PIK3CD: variants seen among roughly 807,000 people sequenced by gnomAD.
PIK3CD encodes the protein phosphatidylinositol 4,5-bisphosphate 3-kinase catalytic subunit delta isoform.
In PIK3CD, 20 loss-of-function variants were observed where a neutral mutation model predicts 122.9. The ratio of observed to expected loss-of-function variants is 0.16; its 90% CI spans 0.11 to 0.24. PIK3CD has a LOEUF of 0.24. PIK3CD is among the 10% of genes least tolerant of loss of function. The pLI, the probability that PIK3CD is intolerant of heterozygous loss-of-function variation, is 1.00. For synonymous variants in PIK3CD, 596 were observed against 593.4 expected (o/e 1.00, Z -0.06); for missense variants, 787 against 1,406.3 (o/e 0.56, Z 7.04).
rs1646768328 is a variant in PIK3CD, at chr1:9,704,820, C to G, written c.-32-5604C>G. Among the ~76,000 whole-genome samples, 1 of 152,208 alleles carries G rather than the reference C, an allele frequency of 6.6e-6. No homozygotes were observed. Among genetic ancestry groups the G allele is most frequent in the African/African-American group, 2.4e-5 (1 of 41,450 alleles). The stretch of plus-strand genomic sequence containing the variant: ...TGAGCCACCACGCCCAGCCGGTCCC[C>G]CAAGTTTTGAAACAAAAGGAAGACT... On this transcript the variant is annotated intron_variant, in intron 2 of 23. Transcript: ENST00000377346. The surrounding 1 kb of genome is among the most constrained non-coding windows in gnomAD (Gnocchi z 5.0).
At chr1:9,638,864 T>C in the PIK3CD span, among the ~76,000 whole-genome samples, 288 of 144,684 alleles carry the variant, frequency 2.0e-3, 2 homozygotes, top group African/African-American at 7.0e-3. Flanking sequence ...CACCCTCTGC[T>C]TTCTGGGCTC....
upstream of PIK3CD, among the ~76,000 whole-genome samples, chr1:9,648,695 T>C (rs1644629706): frequency 6.6e-6 from 1 of 152,240 alleles, no homozygotes; most frequent in Admixed American, 6.5e-5. Flanking sequence ...GATATACTAG[T>C]GTGCATTCCT....
At position 9,710,690 on chromosome 1, in the gene PIK3CD, C is replaced by A; in HGVS notation, c.141+94C>A. The stretch of plus-strand genomic sequence containing the variant: ...ACAGACAGACAGACAGACAGATGGA[C>A]AGGTGGACAGACGGACAGACAGATG... On this transcript the variant is annotated intron_variant, in intron 3 of 23. Coordinates refer to ENST00000377346, the MANE Select transcript of PIK3CD (RefSeq NM_005026.5). This position sits in a 1 kb window ranked among gnomAD's most constrained non-coding sequence, Gnocchi z 4.7. 1.5e-6 allele frequency: 2 copies of A among 1,372,200 alleles called. No individual in the cohort carries two copies. Among genetic ancestry groups the A allele is most frequent in the Non-Finnish European group, 2.1e-6 (2 of 964,622 alleles). 85.0% of individuals were successfully genotyped at this position (1,372,200 alleles called of 1,614,324 possible). A position where few individuals can be genotyped will look rare whatever the true frequency, so the allele number is the denominator to read the frequency against.
chr1:9,698,140 T>C (rs776195043), intron 2 of PIK3CD, among the ~76,000 whole-genome samples: 3 of 152,216 alleles, frequency 2.0e-5, no homozygotes, highest in Non-Finnish European at 2.9e-5. Flanking sequence ...AACATTTCAT[T>C]TTTTCTATGC....
intron 1 of PIK3CD, among the ~76,000 whole-genome samples, chr1:9,654,905 CA>C (rs971484905): frequency 4.2e-4 from 60 of 141,450 alleles, no homozygotes; most frequent in Admixed American, 5.7e-4. Flanking sequence ...ACGAAAAATG[CA>C]AAAAAAAAAA....
Position 9,720,731 on chromosome 1 carries a change from A to G in PIK3CD, c.1522-11A>G. 6.2e-7 allele frequency: 1 copy of G among 1,610,420 alleles called. No individual in the cohort carries two copies. Among genetic ancestry groups the G allele is most frequent in the African/African-American group, 1.3e-5 (1 of 74,920 alleles). Reference sequence around the variant, plus strand: ...GGAACCAGAGCCCTCACTCCTGCCCACACCCCTCAGCAGCTGCAGCTGCGG... The same window carrying G: ...GGAACCAGAGCCCTCACTCCTGCCCGCACCCCTCAGCAGCTGCAGCTGCGG... On this transcript the variant is annotated splice_polypyrimidine_tract_variant and intron_variant, in intron 12 of 23. Transcript: ENST00000377346. This position sits in a 1 kb window ranked among gnomAD's most constrained non-coding sequence, Gnocchi z 9.0.
chr1:9,630,889 G>A, the PIK3CD span, among the ~76,000 whole-genome samples: 1 of 152,150 alleles, frequency 6.6e-6, no homozygotes, highest in Non-Finnish European at 1.5e-5. Flanking sequence ...AGAGGGGGAA[G>A]TGATGGGAGG....
intron 23 of PIK3CD, among the ~76,000 whole-genome samples, chr1:9,726,491 A>G (rs1649638432): frequency 6.6e-6 from 1 of 152,242 alleles, no homozygotes; most frequent in South Asian, 2.1e-4. Context: ...CCTGGGCGAC[A>G]GAGTGAGACT....
intron 1 of PIK3CD, among the ~76,000 whole-genome samples, chr1:9,688,573 C>T (rs1330666794): frequency 1.3e-5 from 2 of 151,940 alleles, no homozygotes; most frequent in Non-Finnish European, 2.9e-5. Flanking sequence ...AGCGCCTGGC[C>T]GAGCACTTTG....
intron 3 of PIK3CD, among the ~76,000 whole-genome samples, chr1:9,712,367 G>A (rs1372223108): frequency 2.7e-5 from 4 of 150,862 alleles, no homozygotes; most frequent in African/African-American, 2.4e-5. Context: ...TGCAACCTCC[G>A]CCTCCCAGGT....
rs1254969483 is a variant in PIK3CD, at chr1:9,664,103, G to A, written c.-138+12301G>A. Among the ~76,000 whole-genome samples, 37 of 138,934 alleles carry A rather than the reference G, an allele frequency of 2.7e-4. 1 individual carries two copies. The highest frequency in any genetic ancestry group is 1.6e-4 in the Admixed American group (2 of 12,756). The allele number at this position is 138,934 out of a possible 152,430, so 91.1% of individuals were successfully genotyped here. A position where few individuals can be genotyped will look rare whatever the true frequency, so the allele number is the denominator to read the frequency against. The stretch of plus-strand genomic sequence containing the variant: ...CTCACTCTGTCGCCCAGGCTGGAGC[G>A]CAGTGGCATATCTCAGCTCACTGCA... On this transcript the variant is annotated intron_variant, in intron 1 of 23. Coordinates refer to ENST00000377346, the MANE Select transcript of PIK3CD (RefSeq NM_005026.5).
At chr1:9,635,383 C>A in the PIK3CD span, among the ~76,000 whole-genome samples, 3 of 152,012 alleles carry the variant, frequency 2.0e-5, no homozygotes, top group African/African-American at 4.8e-5. Context: ...GATTCTCCCC[C>A]ACTCTCTCTT....
Position 9,710,393 on chromosome 1 carries a change from G to T in PIK3CD, c.-32-31G>T. The T allele has an allele frequency of 6.4e-7, 1 of 1,572,028 alleles. No individual in the cohort carries two copies. Among genetic ancestry groups the T allele is most frequent in the Non-Finnish European group, 8.8e-7 (1 of 1,142,746 alleles). On this transcript the variant is annotated intron_variant, in intron 2 of 23. Coordinates refer to ENST00000377346, the MANE Select transcript of PIK3CD (RefSeq NM_005026.5). The surrounding 1 kb of genome is among the most constrained non-coding windows in gnomAD (Gnocchi z 4.7). Reference sequence around the variant, plus strand: ...AAAGGTCTCACCCAGCTCAGCTGAGGTAACTCATTTTGCCATTTCTTCATT... The same window carrying T: ...AAAGGTCTCACCCAGCTCAGCTGAGTTAACTCATTTTGCCATTTCTTCATT...
chr1:9,668,914 T>G (rs1645241742), intron 1 of PIK3CD, among the ~76,000 whole-genome samples: 1 of 152,158 alleles, frequency 6.6e-6, no homozygotes, highest in Non-Finnish European at 1.5e-5. Context: ...TCCAGGACTC[T>G]GAGTCTGCTG....
intron 1 of PIK3CD, among the ~76,000 whole-genome samples, chr1:9,676,952 G>A (rs967621318): frequency 2.0e-5 from 3 of 152,180 alleles, no homozygotes; most frequent in South Asian, 2.1e-4. Flanking sequence ...GCATTGTCAC[G>A]GGCCCCCTGC....
In PIK3CD at chr1:9,717,387, G is replaced by T; in HGVS notation, c.931-150G>T. Reference sequence around the variant, plus strand: ...GGGGAGCCCGCATGGCAGGTTTTCTGGGAAAGGATAGCATTGTGGACAGGC... The same window carrying T: ...GGGGAGCCCGCATGGCAGGTTTTCTTGGAAAGGATAGCATTGTGGACAGGC... On this transcript the variant is annotated intron_variant, in intron 7 of 23. Coordinates refer to ENST00000377346, the MANE Select transcript of PIK3CD (RefSeq NM_005026.5). This position sits in a 1 kb window ranked among gnomAD's most constrained non-coding sequence, Gnocchi z 5.4. The T allele has an allele frequency of 1.2e-6, 1 of 839,854 alleles. No homozygotes were observed. The highest frequency in any genetic ancestry group is 2.6e-5 in the East Asian group (1 of 38,254). 52.0% of individuals were successfully genotyped at this position (839,854 alleles called of 1,614,324 possible). A position where few individuals can be genotyped will look rare whatever the true frequency, so the allele number is the denominator to read the frequency against.
At position 9,721,206 on chromosome 1, in the gene PIK3CD, G is replaced by A; in HGVS notation, c.1769G>A (p.Cys590Tyr). Residue 590 changes from cysteine to tyrosine, a missense_variant, in exon 14 of 24, where the codon TGC (cysteine) becomes TAC (tyrosine). Cys to Tyr is a radical substitution (Grantham distance 194). Coordinates refer to ENST00000377346, the MANE Select transcript of PIK3CD (RefSeq NM_005026.5). ...LELLDFSFPD[C>Y]HVGSFAIKSL... ...CTGCTAGACTTCAGCTTCCCCGATT[G>A]CCACGTAGGCTCCTTCGCCATCAAG... 1.2e-6 allele frequency: 2 copies of A among 1,613,388 alleles called. No individual in the cohort carries two copies. Among genetic ancestry groups the A allele is most frequent in the Non-Finnish European group, 1.7e-6 (2 of 1,179,982 alleles).
rs980397263 is a variant in PIK3CD, at chr1:9,726,774, G to A, written c.2998-135G>A. The A allele has an allele frequency of 2.4e-5, 28 of 1,150,594 alleles. 1 individual carries two copies. Among genetic ancestry groups the A allele is most frequent in the Non-Finnish European group, 3.1e-5 (25 of 793,954 alleles). 71.3% of individuals were successfully genotyped at this position (1,150,594 alleles called of 1,614,324 possible). ...TTCATTTGAGGGTGGGAGCGGAATA[G>A]AGAGCTTTTCCTGAGATGCTGGGAG... On this transcript the variant is annotated intron_variant, in intron 23 of 23. Transcript: ENST00000377346.
At chr1:9,709,349 G>A (rs913780248) in intron 2 of PIK3CD, among the ~76,000 whole-genome samples, 4 of 151,950 alleles carry the variant, frequency 2.6e-5, no homozygotes, top group Non-Finnish European at 5.9e-5. Flanking sequence ...CGGCCTGACT[G>A]GAATATTTTA....
Sources: allele counts gnomAD v4.1 joint callset (sites outside exome capture counted in the v4.1 genomes callset), GRCh38; gene constraint gnomAD v4.1.1; non-coding constraint Gnocchi (gnomAD v3.1); transcripts MANE v1.5; gene names NCBI Gene and HGNC (gene_info 2026-07-23, HGNC 2026-07-21).